Variants in ZNF664 observed in about 807,000 individuals in gnomAD.
ZNF664 encodes zinc finger protein 664.
Under a neutral mutation model 18.2 loss-of-function variants are expected in ZNF664, and 10 were observed. The observed-to-expected ratio is 0.55, with a 90% confidence interval of 0.34 to 0.93. The LOEUF is 0.93. ZNF664 is among the 40% of genes least tolerant of loss of function. The probability of loss-of-function intolerance (pLI) is 0.02; values close to 1 mark genes in which losing one functional copy is unlikely to be tolerated. For missense variants in ZNF664, 193 were observed against 319.0 expected, an observed-to-expected ratio of 0.61 and a Z score of 3.01; for synonymous variants, 119 against 104.2, an observed-to-expected ratio of 1.14 and a Z score of -0.86.
At chr12:124,010,948 G>T (rs1192000431) in intron 3 of ZNF664, among the ~76,000 whole-genome samples, 6 of 152,168 alleles carry the variant, frequency 3.9e-5, no homozygotes, top group African/African-American at 1.4e-4. Flanking sequence ...AGCTGAAAAA[G>T]AAAGCCAGAG....
rs770374028 is a variant in ZNF664, at chr12:124,012,726, T to C, written c.582T>C (p.Thr194=). Residue 194 remains threonine (T), a synonymous_variant, in exon 5 of 5, where the codon ACT becomes ACC. Transcript: ENST00000337815. The part of the protein sequence containing the change: ...SSLCIHQRVH[T]GEKPYRCCGC... Reference sequence around the variant, plus strand: ...TCTGCATCCACCAGAGAGTCCACACTGGAGAGAAACCCTATAGATGTTGTG... The same window carrying C: ...TCTGCATCCACCAGAGAGTCCACACCGGAGAGAAACCCTATAGATGTTGTG... The C allele has an allele frequency of 1.3e-6, 2 of 1,589,856 alleles. No homozygotes were observed. Among genetic ancestry groups the C allele is most frequent in the Non-Finnish European group, 1.7e-6 (2 of 1,170,982 alleles).
chr12:123,974,280 G>C, intron 2 of ZNF664: 1 of 370,422 alleles, frequency 2.7e-6, no homozygotes, highest in South Asian at 1.5e-4. Context: ...GCTCCGAACT[G>C]AACTGTTCTG....
Position 124,002,694 on chromosome 12 carries a change from G to T in ZNF664, c.-660-8687G>T, listed in dbSNP as rs1375185147. On this transcript the variant is annotated intron_variant, in intron 3 of 4. Transcript: ENST00000337815. Reference sequence around the variant, plus strand: ...GGACAATGCATCTGGATGGATGTTGGTGTGCTTGACAGAGATGGGGAAGAA... The same window carrying T: ...GGACAATGCATCTGGATGGATGTTGTTGTGCTTGACAGAGATGGGGAAGAA... 2.0e-5 allele frequency among the ~76,000 whole-genome samples: 3 copies of T among 152,134 alleles called. No individual in the cohort carries two copies. The South Asian group carries it at 6.2e-4, about 31-fold the overall frequency.
At chr12:124,004,491 G>A (rs181747055) in intron 3 of ZNF664, among the ~76,000 whole-genome samples, 1 of 152,316 alleles carries the variant, frequency 6.6e-6, no homozygotes, top group East Asian at 1.9e-4. Flanking sequence ...CAGTGGAGGC[G>A]GAGGCAATGT....
At chr12:123,979,039 TATA>T (rs1594540684) in intron 2 of ZNF664, among the ~76,000 whole-genome samples, 1 of 152,072 alleles carries the variant, frequency 6.6e-6, no homozygotes, top group East Asian at 1.9e-4. Flanking sequence ...TAGAAGGAAA[TATA>T]AGAGAATTTG....
In ZNF664 at chr12:123,973,912, G is replaced by A; in HGVS notation, c.-865G>A. ...GCGCCCTGCGTCCGGCAGAGGAGGCGAGCATCCCGCTCAGGTGATGAGGAA... is the reference window on the plus strand; with the variant it reads ...GCGCCCTGCGTCCGGCAGAGGAGGCAAGCATCCCGCTCAGGTGATGAGGAA... On this transcript the variant is annotated 5_prime_UTR_variant, in exon 2 of 5. Transcript: ENST00000337815. 11 of 1,231,932 alleles carry A rather than the reference G, an allele frequency of 8.9e-6. No homozygotes were observed. The highest frequency in any genetic ancestry group is 4.1e-5 in the South Asian group (1 of 24,312). The allele number at this position is 1,231,932 out of a possible 1,614,324, so 76.3% of individuals were successfully genotyped here.
Position 124,013,509 on chromosome 12 carries a change from A to G in ZNF664, c.*579A>G, listed in dbSNP as rs1299372052. 1 of 169,982 alleles carries G rather than the reference A, an allele frequency of 5.9e-6. No individual in the cohort carries two copies. The highest frequency in any genetic ancestry group is 1.4e-5 in the Non-Finnish European group (1 of 69,992). The allele number at this position is 169,982 out of a possible 1,614,324, so 10.5% of individuals were successfully genotyped here. ...CCCTTCCTAGATGGCATTAACTTTC[A>G]TTTTAGATTTTAGGTGACTCATAAT... is the stretch of plus-strand genomic sequence containing the variant. On this transcript the variant is annotated 3_prime_UTR_variant, in exon 5 of 5. Transcript: ENST00000337815.
chr12:123,993,268 C>T (rs1484249685), intron 3 of ZNF664, among the ~76,000 whole-genome samples: 4 of 152,132 alleles, frequency 2.6e-5, no homozygotes, highest in African/African-American at 9.7e-5. Context: ...GAAAAGGGCC[C>T]TGGCTTCTTC....
At chr12:123,979,534 G>A (rs1956735302) in intron 2 of ZNF664, among the ~76,000 whole-genome samples, 1 of 152,162 alleles carries the variant, frequency 6.6e-6, no homozygotes, top group Non-Finnish European at 1.5e-5. Flanking sequence ...CAAGGAATCT[G>A]TGCTATTTTC....
chr12:123,976,587 A>G (rs935079340), intron 2 of ZNF664, among the ~76,000 whole-genome samples: 1 of 152,146 alleles, frequency 6.6e-6, no homozygotes, highest in Non-Finnish European at 1.5e-5. Flanking sequence ...AAGAGGAGTG[A>G]CATAATCAGA....
chr12:123,998,541 T>A (rs1456967299), intron 3 of ZNF664: 3 of 152,462 alleles, frequency 2.0e-5, no homozygotes, highest in African/African-American at 7.2e-5. Flanking sequence ...CTGTGCCTCC[T>A]GTTCTTTATG....
chr12:123,995,745 C>T (rs912498558), intron 3 of ZNF664, among the ~76,000 whole-genome samples: 10 of 152,198 alleles, frequency 6.6e-5, no homozygotes, highest in African/African-American at 2.2e-4. Flanking sequence ...GCTTAGATGT[C>T]TGTCCTGGGT....
In ZNF664 at chr12:124,011,610, G is replaced by C; in HGVS notation, c.-535G>C. The C allele has an allele frequency of 9.9e-7, 1 of 1,005,172 alleles. No individual in the cohort carries two copies. Among genetic ancestry groups the C allele is most frequent in the Non-Finnish European group, 1.2e-6 (1 of 845,524 alleles). 62.3% of individuals were successfully genotyped at this position (1,005,172 alleles called of 1,614,324 possible). ...GGGCTTGCCATACCTGGACCCCGAG[G>C]AGCCTGCTTGCTGGAAAGGCTTTCC... On this transcript the variant is annotated 5_prime_UTR_variant, in exon 5 of 5. Transcript: ENST00000337815.
chr12:124,005,600 T>C (rs1433018685), intron 3 of ZNF664, among the ~76,000 whole-genome samples: 1 of 152,042 alleles, frequency 6.6e-6, no homozygotes. Flanking sequence ...TTAGGTGACA[T>C]GTTGGCCTGA....
At chr12:124,010,027 G>C (rs1957117076) in intron 3 of ZNF664, among the ~76,000 whole-genome samples, 1 of 152,022 alleles carries the variant, frequency 6.6e-6, no homozygotes. Flanking sequence ...TCGGTTGCTT[G>C]CAGTTTTGCT....
chr12:123,984,655 G>C (rs573152361), intron 2 of ZNF664, among the ~76,000 whole-genome samples: 3 of 152,164 alleles, frequency 2.0e-5, no homozygotes, highest in East Asian at 1.9e-4. Flanking sequence ...TTCTTTGCCT[G>C]GGAGATCTGT....
At chr12:123,975,823 G>A (rs1160083731) in intron 2 of ZNF664, among the ~76,000 whole-genome samples, 1 of 152,166 alleles carries the variant, frequency 6.6e-6, no homozygotes, top group Non-Finnish European at 1.5e-5. Context: ...TAATATTTAA[G>A]CTTATTTCCT....
chr12:123,990,277 T>TA (rs757404290), intron 3 of ZNF664, among the ~76,000 whole-genome samples: 11 of 152,354 alleles, frequency 7.2e-5, no homozygotes, highest in Non-Finnish European at 1.2e-4. Flanking sequence ...GATTTTATGT[T>TA]ATGTGTTTTT....
intron 3 of ZNF664, among the ~76,000 whole-genome samples, chr12:124,002,851 G>A (rs966327420): frequency 2.6e-5 from 4 of 150,996 alleles, no homozygotes; most frequent in African/African-American, 5.0e-5. Context: ...TTTAGATCAC[G>A]TGACTGGTGA....
Sources: gnomAD v4.1 joint callset for allele counts (sites outside exome capture counted in the v4.1 genomes callset) on GRCh38, gnomAD v4.1.1 for gene constraint, MANE v1.5 for transcripts, NCBI Gene and HGNC (gene_info 2026-07-23, HGNC 2026-07-21) for gene names.